The following PXDN variants were observed in gnomAD, a reference collection of about 807,000 sequenced individuals.
PXDN encodes peroxidasin.
Under a neutral mutation model 140.3 loss-of-function variants are expected in PXDN, and 77 were observed. The observed-to-expected ratio is 0.55, with a 90% CI of 0.46 to 0.66. The LOEUF is 0.66. Ranked by LOEUF, PXDN falls within the 30% of genes least tolerant of loss-of-function variation. The pLI, the probability that PXDN is intolerant of heterozygous loss-of-function variation, is 0.00. For missense variants in PXDN, 1,838 were observed against 2,039.5 expected (o/e 0.90, Z 1.90); for synonymous variants, 911 against 857.4 (o/e 1.06, Z -1.09).
chr2:1,669,294 C>G (rs1228350570), intron 9 of PXDN, among the ~76,000 whole-genome samples: 1 of 152,064 alleles, frequency 6.6e-6, no homozygotes, highest in Non-Finnish European at 1.5e-5. Context: ...ACACCAGGGC[C>G]TGTCGGGGGG....
intron 4 of PXDN, among the ~76,000 whole-genome samples, chr2:1,684,416 G>A (rs933788723): frequency 2.6e-5 from 4 of 152,192 alleles, no homozygotes; most frequent in South Asian, 2.1e-4. Context: ...TTGACACCGC[G>A]TGAGAAGGGC....
chr2:1,651,136 CT>C lies in PXDN; in HGVS notation c.2105-1462del, dbSNP rs1683004828. Among the ~76,000 whole-genome samples the C allele has an allele frequency of 6.6e-6, 1 of 152,136 alleles. No homozygotes were observed. Among genetic ancestry groups the C allele is most frequent in the African/African-American group, 2.4e-5 (1 of 41,440 alleles). On this transcript the variant is annotated intron_variant, in intron 16 of 22. Transcript: ENST00000252804. This position sits in a 1 kb window ranked among gnomAD's most constrained non-coding sequence, Gnocchi z 4.4. ...AAACAGTGAGCTGAAACATCTGGCC[CT>C]ATTTTCACAGCTACTCTTGGGAAGT...
chr2:1,666,619 A>G (rs151207486), intron 9 of PXDN, 133 bp from the exon 10 acceptor site: 2 of 1,194,276 alleles, frequency 1.7e-6, no homozygotes, highest in East Asian at 2.6e-5. Flanking sequence ...GTAACTGCAT[A>G]TTTTCTTTTT....
At position 1,660,338 on chromosome 2, in the gene PXDN, A is replaced by G. The variant is rs1683274559; in HGVS notation, c.1837+543T>C. Among the ~76,000 whole-genome samples, 1 of 152,118 alleles carries G rather than the reference A, an allele frequency of 6.6e-6. No homozygotes were observed. Among genetic ancestry groups the G allele is most frequent in the Admixed American group, 6.5e-5 (1 of 15,276 alleles). On this transcript the variant is annotated intron_variant, in intron 14 of 22. Transcript: ENST00000252804. This position sits in a 1 kb window ranked among gnomAD's most constrained non-coding sequence, Gnocchi z 4.6. The stretch of plus-strand genomic sequence containing the variant: ...GGGATGGAAGTGGTGGCGGACCAGG[A>G]TGCAAACAGACAGATGCAGGCATGG...
intron 1 of PXDN, among the ~76,000 whole-genome samples, chr2:1,716,767 G>C (rs1012913219): frequency 2.4e-4 from 36 of 152,152 alleles, no homozygotes; most frequent in South Asian, 2.1e-4. Flanking sequence ...CATCAGTACA[G>C]GGGTAACCGC....
intron 1 of PXDN, 44 bp from the exon 2 acceptor site, chr2:1,693,178 A>G (rs1433442858): frequency 1.4e-6 from 2 of 1,436,268 alleles, no homozygotes; most frequent in South Asian, 1.3e-5. Flanking sequence ...AAAAAAATCT[A>G]CAAACATCGC....
Position 1,648,981 on chromosome 2 carries a change from G to A in PXDN, c.2799C>T (p.Arg933=), listed in dbSNP as rs762369823. The change falls in exon 17 of 23, where the codon CGC becomes CGT. Residue 933 remains arginine, a synonymous_variant. Coordinates refer to ENST00000252804, the MANE Select transcript of PXDN (RefSeq NM_012293.3). This position sits in a 1 kb window ranked among gnomAD's most constrained non-coding sequence, Gnocchi z 8.9. The part of the protein sequence containing the change: ...ARSIRDLASH[R]GLLRQGIVQR... ...GCACGATGCCCTGCCGCAGCAGGCC[G>A]CGGTGGCTGGCCAGGTCGCGGATGC... 10 of 1,610,080 alleles carry A rather than the reference G, an allele frequency of 6.2e-6. No individual in the cohort carries two copies. The highest frequency in any genetic ancestry group is 8.5e-6 in the Non-Finnish European group (10 of 1,178,300).
chr2:1,712,183 G>A (rs956252837), intron 1 of PXDN, among the ~76,000 whole-genome samples: 1 of 152,176 alleles, frequency 6.6e-6, no homozygotes, highest in African/African-American at 2.4e-5. Flanking sequence ...AGAAGACTGG[G>A]AAGTAAATCA....
rs1682895200 is a variant in PXDN at position 1,648,080 on chromosome 2, TCA to T, written c.3608+90_3608+91del. 2 of 1,488,220 alleles carry T rather than the reference TCA, an allele frequency of 1.3e-6. No homozygotes were observed. Among genetic ancestry groups the T allele is most frequent in the Non-Finnish European group, 1.8e-6 (2 of 1,095,592 alleles). The allele number at this position is 1,488,220 out of a possible 1,614,324, so 92.2% of individuals were successfully genotyped here. On this transcript the variant is annotated intron_variant, in intron 17 of 22. Transcript: ENST00000252804. The surrounding 1 kb of genome is among the most constrained non-coding windows in gnomAD (Gnocchi z 8.9). Reference sequence around the variant, plus strand: ...CACCTCTGCACGACACGAACAAAACTCACACACAGAGACAAATAACACACACA... The same window carrying T: ...CACCTCTGCACGACACGAACAAAACTCACACAGAGACAAATAACACACACA...
At chr2:1,727,330 G>A (rs949193479) in intron 1 of PXDN, among the ~76,000 whole-genome samples, 1 of 152,054 alleles carries the variant, frequency 6.6e-6, no homozygotes, top group African/African-American at 2.4e-5. Context: ...TCAGTTTATC[G>A]CACTTAAATG....
intron 1 of PXDN, among the ~76,000 whole-genome samples, chr2:1,716,821 G>A (rs1684907806): frequency 6.6e-6 from 1 of 152,134 alleles, no homozygotes; most frequent in South Asian, 2.1e-4. Context: ...ATGAGGGGCT[G>A]GAAAATGATG....
At chr2:1,682,963 T>C (rs1199771194) in intron 6 of PXDN, among the ~76,000 whole-genome samples, 1 of 152,090 alleles carries the variant, frequency 6.6e-6, no homozygotes, top group African/African-American at 2.4e-5. Context: ...AAGATCAGCC[T>C]CCTTAGTATG....
In PXDN at chr2:1,649,211, A is replaced by T; in HGVS notation, c.2569T>A (p.Cys857Ser). The T allele has an allele frequency of 6.6e-7, 1 of 1,510,720 alleles. No homozygotes were observed. Among genetic ancestry groups the T allele is most frequent in the Non-Finnish European group, 9.0e-7 (1 of 1,114,844 alleles). 93.6% of individuals were successfully genotyped at this position (1,510,720 alleles called of 1,614,324 possible). A position where few individuals can be genotyped will look rare whatever the true frequency, so the allele number is the denominator to read the frequency against. The change falls in exon 17 of 23, where the codon TGC becomes AGC. Residue 857 changes from cysteine (C) to serine (S), a missense_variant. Coordinates refer to ENST00000252804, the MANE Select transcript of PXDN (RefSeq NM_012293.3). This position sits in a 1 kb window ranked among gnomAD's most constrained non-coding sequence, Gnocchi z 7.1. ...CSNVCSNDPP[C>S]FSVMIPPNDS... ...TTGGGGGGGATCATGACAGAGAAGC[A>T]GGGGGGGTCGTTGCTGCACACGTTG...
At chr2:1,744,552 G>T (rs543178935), upstream of PXDN, 8 of 991,204 alleles carry the variant, frequency 8.1e-6, no homozygotes, top group African/African-American at 5.1e-5. Flanking sequence ...AGCTGTGCGC[G>T]GGGGGCGGGG....
chr2:1,682,586 A>G (rs1387354247), intron 6 of PXDN, among the ~76,000 whole-genome samples: 4 of 152,210 alleles, frequency 2.6e-5, no homozygotes, highest in Non-Finnish European at 5.9e-5. Context: ...ACCAGTCCTA[A>G]AATGCCTTAA....
intron 1 of PXDN, among the ~76,000 whole-genome samples, chr2:1,742,189 C>T (rs1426251224): frequency 6.6e-6 from 1 of 152,212 alleles, no homozygotes; most frequent in East Asian, 1.9e-4. Context: ...GCGCTTCTCT[C>T]CCAGAGCTTC....
In PXDN at chr2:1,685,855, C is replaced by T. The variant is rs2125445803; in HGVS notation, c.417-1704G>A. 6.6e-6 allele frequency among the ~76,000 whole-genome samples: 1 copy of T among 152,204 alleles called. No homozygotes were observed. Among genetic ancestry groups the T allele is most frequent in the East Asian group, 1.9e-4 (1 of 5,140 alleles). On this transcript the variant is annotated intron_variant, in intron 4 of 22. Transcript: ENST00000252804. The surrounding 1 kb of genome is among the most constrained non-coding windows in gnomAD (Gnocchi z 5.1). The stretch of plus-strand genomic sequence containing the variant: ...ACAATTGAGGAAACAGGACCAAAGA[C>T]AGGAAATGGCTCCCCAAGTATACTG...
In PXDN at chr2:1,660,917, C is replaced by T. The variant is rs1166020342; in HGVS notation, c.1801G>A (p.Gly601Arg). ...AGCACCATGCTCACCGAGGCCGACC[C>T]AATGGTGTTCCGGGCCACACACTCA... is the stretch of plus-strand genomic sequence containing the variant. Reference protein sequence around the residue: ...RYECVARNTIGSASVSMVLSV... With the variant: ...RYECVARNTIRSASVSMVLSV... Residue 601 changes from glycine to arginine, a missense_variant, in exon 14 of 23, where the codon GGG (glycine) becomes AGG (arginine). This residue lies in a region of PXDN where 537 missense variants were observed against 583.9 expected (regional missense o/e 0.92). Coordinates refer to ENST00000252804, the MANE Select transcript of PXDN (RefSeq NM_012293.3). The surrounding 1 kb of genome is among the most constrained non-coding windows in gnomAD (Gnocchi z 4.6). The T allele has an allele frequency of 1.2e-6, 2 of 1,613,766 alleles. No homozygotes were observed. Among genetic ancestry groups the T allele is most frequent in the African/African-American group, 2.7e-5 (2 of 74,934 alleles).
Position 1,661,034 on chromosome 2 carries a change from C to A in PXDN, c.1684G>T (p.Gly562Trp). The change falls in exon 14 of 23, where the codon GGG (glycine) becomes TGG (tryptophan). Residue 562 changes from glycine (G) to tryptophan (W), a missense_variant. Gly to Trp is a radical substitution (Grantham distance 184). Coordinates refer to ENST00000252804, the MANE Select transcript of PXDN (RefSeq NM_012293.3). ...PEPAITWNKD[G>W]VQVTESGKFH... ...TTTCCACTTTCTGTCACCTGAACCC[C>A]ATCCTGGAGCAAAACAGAATGAAAA... The A allele has an allele frequency of 6.2e-7, 1 of 1,613,922 alleles. No individual in the cohort carries two copies. The highest frequency in any genetic ancestry group is 8.5e-7 in the Non-Finnish European group (1 of 1,179,856).
Sources: allele counts gnomAD v4.1 joint callset (sites outside exome capture counted in the v4.1 genomes callset), GRCh38; gene constraint gnomAD v4.1.1; regional missense constraint gnomAD v4.1.1; non-coding constraint Gnocchi (gnomAD v3.1); transcripts MANE v1.5; gene names NCBI Gene and HGNC (gene_info 2026-07-23, HGNC 2026-07-21).